The following NDUFAF2 variants were observed in gnomAD, a reference collection of about 807,000 sequenced individuals.
NDUFAF2 encodes the protein NADH:ubiquinone oxidoreductase complex assembly factor 2.
A neutral mutation model predicts 22.8 loss-of-function variants in NDUFAF2; 13 were observed. The ratio of observed to expected loss-of-function variants is 0.57; its 90% confidence interval spans 0.37 to 0.91. NDUFAF2 has a LOEUF of 0.91. Among genes scored for constraint, NDUFAF2 ranks in the 40% least tolerant of loss-of-function variants. The pLI, the probability that NDUFAF2 is intolerant of heterozygous loss-of-function variation, is 0.01. For synonymous variants in NDUFAF2, 53 were observed against 64.2 expected (o/e 0.83, Z 0.84); for missense variants, 162 against 195.2 (o/e 0.83, Z 1.01).
intron 2 of NDUFAF2, among the ~76,000 whole-genome samples, chr5:61,076,103 G>A (rs1282492120): frequency 1.3e-5 from 2 of 152,010 alleles, no homozygotes; most frequent in South Asian, 4.1e-4. Context: ...ATGGAGTCTC[G>A]CTCTTTGCCC....
chr5:61,073,189 A>C lies in NDUFAF2; in HGVS notation c.192A>C (p.Ala64=), dbSNP rs147317760. The C allele has an allele frequency of 6.2e-6, 10 of 1,613,002 alleles. No homozygotes were observed. The Admixed American group carries it at 1.5e-4, about 24-fold the overall frequency. ...ATAAAAAAGAAGTAGACTATGAAGC[A>C]GGGGATATTCCAACAGAATGGGAAG... ...AANKKEVDYE[A]GDIPTEWEAW... Residue 64 remains alanine, a synonymous_variant, in exon 2 of 4, where the codon GCA becomes GCC. Transcript: ENST00000296597.
intron 2 of NDUFAF2, among the ~76,000 whole-genome samples, chr5:61,091,201 C>A (rs1450922586): frequency 6.6e-6 from 1 of 151,984 alleles, no homozygotes; most frequent in South Asian, 2.1e-4. Flanking sequence ...AGGTTTATAC[C>A]CAGTAATGGG....
At chr5:61,124,389 C>G (rs1260395338) in intron 3 of NDUFAF2, among the ~76,000 whole-genome samples, 1 of 151,794 alleles carries the variant, frequency 6.6e-6, no homozygotes, top group Non-Finnish European at 1.5e-5. Context: ...TTTCTAGTTT[C>G]TAAAGATTTT....
chr5:60,962,978 C>G (rs1376257718), intron 1 of NDUFAF2, among the ~76,000 whole-genome samples: 1 of 151,950 alleles, frequency 6.6e-6, no homozygotes, highest in Non-Finnish European at 1.5e-5. Context: ...CTGCGCCTTC[C>G]AGGTTCAAGT....
intron 2 of NDUFAF2, among the ~76,000 whole-genome samples, chr5:61,073,504 C>G (rs188991469): frequency 1.1e-4 from 16 of 152,358 alleles, no homozygotes; most frequent in Admixed American, 1.0e-3. Flanking sequence ...CAGGCACTCA[C>G]TTTCATGTAG....
chr5:61,040,968 G>C (rs1751873807), intron 1 of NDUFAF2, among the ~76,000 whole-genome samples: 1 of 152,100 alleles, frequency 6.6e-6, no homozygotes, highest in Non-Finnish European at 1.5e-5. Context: ...GAATTATCCA[G>C]AGAATATTCA....
intron 1 of NDUFAF2, among the ~76,000 whole-genome samples, chr5:60,960,744 G>A (rs750998995): frequency 3.3e-5 from 5 of 152,000 alleles, no homozygotes; most frequent in Admixed American, 1.3e-4. Flanking sequence ...TTAAAATTAG[G>A]TTTGTTATTT....
chr5:61,069,405 C>T (rs879316464), intron 1 of NDUFAF2, among the ~76,000 whole-genome samples: 1 of 152,096 alleles, frequency 6.6e-6, no homozygotes, highest in African/African-American at 2.4e-5. Flanking sequence ...TATAAGATGA[C>T]TTTAGATGAC....
At chr5:60,952,842 T>C (rs1479532811) in intron 1 of NDUFAF2, among the ~76,000 whole-genome samples, 1 of 152,098 alleles carries the variant, frequency 6.6e-6, no homozygotes, top group Non-Finnish European at 1.5e-5. Context: ...GTTCTATCAG[T>C]TTTTGCTTCA....
At chr5:60,985,315 A>G (rs1047036813) in intron 1 of NDUFAF2, among the ~76,000 whole-genome samples, 6 of 148,202 alleles carry the variant, frequency 4.0e-5, no homozygotes, top group African/African-American at 1.5e-4. Context: ...CTAGTGGTCT[A>G]TCAATTTTGT....
At chr5:61,005,163 C>G (rs992373845) in intron 1 of NDUFAF2, among the ~76,000 whole-genome samples, 1 of 152,102 alleles carries the variant, frequency 6.6e-6, no homozygotes, top group Non-Finnish European at 1.5e-5. Flanking sequence ...GTTCAGTTCC[C>G]ACCTATGAGT....
chr5:61,112,434 G>C (rs924434162), intron 3 of NDUFAF2, among the ~76,000 whole-genome samples: 1 of 151,380 alleles, frequency 6.6e-6, no homozygotes, highest in Non-Finnish European at 1.5e-5. Context: ...GGATGGTCTC[G>C]ATCTTCTGAC....
intron 1 of NDUFAF2, among the ~76,000 whole-genome samples, chr5:60,949,566 T>C (rs912028341): frequency 2.6e-5 from 4 of 152,138 alleles, no homozygotes; most frequent in Non-Finnish European, 5.9e-5. Flanking sequence ...TACCTAAGAG[T>C]GTGAGTGCTT....
At chr5:61,070,625 A>ACACACG (rs966451869) in intron 1 of NDUFAF2, among the ~76,000 whole-genome samples, 69 of 150,204 alleles carry the variant, frequency 4.6e-4, no homozygotes, top group African/African-American at 1.6e-3. Flanking sequence ...ACACACACAC[A>ACACACG]CACGCACTCA....
intron 3 of NDUFAF2, among the ~76,000 whole-genome samples, chr5:61,123,397 G>A (rs1300858166): frequency 6.6e-6 from 1 of 152,028 alleles, no homozygotes; most frequent in African/African-American, 2.4e-5. Context: ...ATTACTCCTA[G>A]GCTATAAACC....
intron 2 of NDUFAF2, among the ~76,000 whole-genome samples, chr5:61,087,239 CA>C (rs1250196935): frequency 6.6e-6 from 1 of 152,118 alleles, no homozygotes; most frequent in Non-Finnish European, 1.5e-5. Context: ...TGGCTGCCTA[CA>C]AGCCATGAGA....
intron 1 of NDUFAF2, among the ~76,000 whole-genome samples, chr5:61,072,119 A>G (rs1267285003): frequency 6.6e-6 from 1 of 152,218 alleles, no homozygotes; most frequent in Non-Finnish European, 1.5e-5. Flanking sequence ...CATCTGAAGA[A>G]CCATAGACTT....
At chr5:60,985,805 C>T (rs10067431) in intron 1 of NDUFAF2, among the ~76,000 whole-genome samples, 3,321 of 152,248 alleles carry the variant, frequency 0.022, 68 homozygotes, top group Non-Finnish European at 0.028. Context: ...GGACCCGCCC[C>T]TATAATTCAA....
At chr5:61,085,886 G>A (rs147964072) in intron 2 of NDUFAF2, among the ~76,000 whole-genome samples, 39 of 152,184 alleles carry the variant, frequency 2.6e-4, no homozygotes, top group Admixed American at 7.9e-4. Flanking sequence ...AGGCTAAAGT[G>A]GGAGGATCAC....
Sources: allele counts gnomAD v4.1 joint callset (sites outside exome capture counted in the v4.1 genomes callset), GRCh38; gene constraint gnomAD v4.1.1; transcripts MANE v1.5; gene names NCBI Gene and HGNC (gene_info 2026-07-23, HGNC 2026-07-21).